The following RGPD5 variants were observed in gnomAD, a reference collection of about 807,000 sequenced individuals.
RGPD5 encodes RANBP2-like and GRIP domain-containing protein 5/6.
chr2:109,772,774 G>A, the RGPD5 span, among the ~76,000 whole-genome samples: 1 of 141,336 alleles, frequency 7.1e-6, no homozygotes, highest in Admixed American at 7.5e-5. Flanking sequence ...GAGAGGCCAT[G>A]TCTGAAGGTC....
At chr2:109,794,945 G>A (rs1373442120) in intron 1 of RGPD5, 2 of 12,640 alleles carry the variant, frequency 1.6e-4, no homozygotes, top group South Asian at 3.2e-3. Context: ...TGCTGTATCG[G>A]CGGGTTTCTT....
the RGPD5 span, among the ~76,000 whole-genome samples, chr2:109,761,268 C>T: frequency 2.0e-5 from 3 of 147,314 alleles, no homozygotes; most frequent in African/African-American, 7.5e-5. Flanking sequence ...CTTTCTGTCT[C>T]TCCCACCCAC....
the RGPD5 span, among the ~76,000 whole-genome samples, chr2:109,763,838 A>G: frequency 7.4e-5 from 11 of 149,124 alleles, no homozygotes; most frequent in East Asian, 2.3e-3. Flanking sequence ...AACAAATTGG[A>G]ATTTATTAGT....
chr2:109,765,494 G>A, the RGPD5 span, among the ~76,000 whole-genome samples: 1 of 150,342 alleles, frequency 6.7e-6, no homozygotes, highest in African/African-American at 2.4e-5. Context: ...AGGAGAATAA[G>A]CCATACCCAT....
At chr2:109,794,739 G>C (rs1207862535) in intron 1 of RGPD5, 1 of 490,582 alleles carries the variant, frequency 2.0e-6, no homozygotes, top group Non-Finnish European at 2.3e-6. Context: ...GCGCTTGCAA[G>C]CGCAGGAAGA....
chr2:109,764,266 T>A, the RGPD5 span, among the ~76,000 whole-genome samples: 3 of 148,364 alleles, frequency 2.0e-5, 1 homozygote, highest in South Asian at 4.5e-4. Flanking sequence ...AGTTGGGCAT[T>A]CCGTGAGTTT....
chr2:109,794,619 G>GCGGCGGCGGCGGCGGCCGGGGGGGGGCGC (rs1676883225), intron 1 of RGPD5, 82 bp downstream of exon 1: 3 of 476,904 alleles, frequency 6.3e-6, no homozygotes, highest in Admixed American at 2.0e-4. Context: ...GGGGGGGGCG[G>GCGGCGGCGGCGGCGGCCGGGGGGGGGCGC]CGGCGGCGGC....
chr2:109,778,607 C>T, the RGPD5 span, among the ~76,000 whole-genome samples: 1 of 147,128 alleles, frequency 6.8e-6, no homozygotes, highest in Non-Finnish European at 1.5e-5. Flanking sequence ...CCTGGATCAC[C>T]CCACTGTCAT....
chr2:109,765,600 T>C, the RGPD5 span, among the ~76,000 whole-genome samples: 1 of 149,858 alleles, frequency 6.7e-6, no homozygotes. Context: ...GCATTTGAAA[T>C]GGGTCCTGGA....
At chr2:109,764,293 T>C in the RGPD5 span, among the ~76,000 whole-genome samples, 5 of 147,336 alleles carry the variant, frequency 3.4e-5, no homozygotes. Context: ...GCAGCAGATA[T>C]GCAGAGGCGC....
At chr2:109,763,572 G>A in the RGPD5 span, among the ~76,000 whole-genome samples, 2 of 149,784 alleles carry the variant, frequency 1.3e-5, no homozygotes, top group African/African-American at 4.9e-5. Flanking sequence ...AAATAACAAA[G>A]AGAGAGAGCC....
the RGPD5 span, among the ~76,000 whole-genome samples, chr2:109,761,907 T>C: frequency 6.6e-6 from 1 of 151,672 alleles, no homozygotes; most frequent in Non-Finnish European, 1.5e-5. Context: ...GGTGTGCACA[T>C]GAATATGCAA....
At chr2:109,774,632 T>C in the RGPD5 span, among the ~76,000 whole-genome samples, 1 of 74,690 alleles carries the variant, frequency 1.3e-5, no homozygotes, top group Non-Finnish European at 2.2e-5. Context: ...TTCTGAACTT[T>C]CAAACTCAGA....
intron 1 of RGPD5, 43 bp downstream of exon 1, chr2:109,794,580 C>CGGGGGGCGGCGGCGGCGGCGGCGGCGG (rs1676851065): frequency 1.1e-6 from 1 of 899,516 alleles, no homozygotes; most frequent in African/African-American, 2.0e-5. Flanking sequence ...TCGACCCGGC[C>CGGGGGGCGGCGGCGGCGGCGGCGGCGG]GGGGGGCGGC....
At chr2:109,760,966 C>T in the RGPD5 span, among the ~76,000 whole-genome samples, 1 of 130,936 alleles carries the variant, frequency 7.6e-6, no homozygotes, top group Non-Finnish European at 1.6e-5. Flanking sequence ...TGTCTGTTTC[C>T]CCCTCTCCTG....
At chr2:109,765,343 G>A in the RGPD5 span, among the ~76,000 whole-genome samples, 1 of 149,612 alleles carries the variant, frequency 6.7e-6, no homozygotes, top group South Asian at 2.2e-4. Flanking sequence ...TTATTACTAT[G>A]TGTGATACAC....
chr2:109,773,342 A>AG, the RGPD5 span, among the ~76,000 whole-genome samples: 1 of 141,546 alleles, frequency 7.1e-6, no homozygotes, highest in African/African-American at 2.8e-5. Flanking sequence ...AATGGATGGG[A>AG]GGTGGGAGGG....
the RGPD5 span, among the ~76,000 whole-genome samples, chr2:109,761,433 TCCCCA>T: frequency 4.7e-5 from 7 of 149,684 alleles, 1 homozygote; most frequent in African/African-American, 7.4e-5. Context: ...GCACTCCTCC[TCCCCA>T]CCCCACCCGG....
At chr2:109,761,387 T>C in the RGPD5 span, among the ~76,000 whole-genome samples, 1 of 150,856 alleles carries the variant, frequency 6.6e-6, no homozygotes, top group East Asian at 2.0e-4. Context: ...GGGTTCACAG[T>C]TCCTCTGGGC....
Sources: allele counts gnomAD v4.1 joint callset (sites outside exome capture counted in the v4.1 genomes callset), GRCh38; gene constraint gnomAD v4.1.1; transcripts MANE v1.5; gene names NCBI Gene and HGNC (gene_info 2026-07-23, HGNC 2026-07-21).